Variants in TSHR observed in about 807,000 individuals in gnomAD.
TSHR encodes the protein thyroid stimulating hormone receptor.
A neutral mutation model predicts 64.1 loss-of-function variants in TSHR; 51 were observed. That is an observed-to-expected ratio of 0.80 (90% CI 0.64 to 1.01). The LOEUF is 1.01. TSHR is among the 50% of genes least tolerant of loss of function. TSHR has a pLI of 0.00. For missense variants in TSHR, 877 were observed against 942.8 expected (o/e 0.93, Z 0.91); for synonymous variants, 361 against 361.9 (o/e 1.00, Z 0.03).
intron 8 of TSHR, among the ~76,000 whole-genome samples, chr14:81,126,830 G>A (rs941977007): frequency 3.3e-5 from 5 of 152,250 alleles, no homozygotes; most frequent in Admixed American, 6.5e-5. Context: ...GTGAGTGCCC[G>A]CTAGGCTCTG....
chr14:81,113,530 G>C (rs542198146), intron 8 of TSHR, among the ~76,000 whole-genome samples: 138 of 152,154 alleles, frequency 9.1e-4, no homozygotes, highest in Non-Finnish European at 1.6e-3. Context: ...AAAATGAATA[G>C]AATTGAGACT....
chr14:81,095,373 C>G (rs1215040214), intron 6 of TSHR: 1 of 152,284 alleles, frequency 6.6e-6, no homozygotes, highest in Admixed American at 6.5e-5. Flanking sequence ...GAGTTTGAGA[C>G]CAGCCTGGCC....
chr14:81,010,126 T>C (rs1310308156), intron 1 of TSHR, among the ~76,000 whole-genome samples: 1 of 152,180 alleles, frequency 6.6e-6, no homozygotes, highest in African/African-American at 2.4e-5. Context: ...TTCATGCTTT[T>C]TCTTGTTTCA....
intron 1 of TSHR, chr14:80,992,607 C>G (rs1040627011): frequency 2.0e-5 from 3 of 152,052 alleles, no homozygotes; most frequent in African/African-American, 7.3e-5. Context: ...AAACCCAAAA[C>G]AAGGATTAGC....
At chr14:81,015,216 C>T (rs544849134) in intron 1 of TSHR, among the ~76,000 whole-genome samples, 1 of 152,202 alleles carries the variant, frequency 6.6e-6, no homozygotes, top group African/African-American at 2.4e-5. Context: ...TGAAGTTTTA[C>T]ACTGTATCTA....
In TSHR at chr14:80,960,812, C is replaced by T. The variant is rs1441787020; in HGVS notation, c.170+4962C>T. On this transcript the variant is annotated intron_variant, in intron 1 of 9. Coordinates refer to ENST00000298171, the MANE Select transcript of TSHR (RefSeq NM_000369.5). ...ACCAGGCTTTGAAAATAGGCCAAGG[C>T]CTACTGTGGGCAAGGAACTGGAGCC... 2.6e-5 allele frequency among the ~76,000 whole-genome samples: 4 copies of T among 152,178 alleles called. No homozygotes were observed. The East Asian group carries it at 7.7e-4, about 29-fold the overall frequency.
rs1209356764 is a variant in TSHR, at chr14:81,131,180, C to T, written c.693-8499C>T. On this transcript the variant is annotated intron_variant, in intron 8 of 9. Transcript: ENST00000298171. ...ATTCTCCCAGCTGCAGACTAGAAAT[C>T]TTGGAGTCATTCTCAACCCTTCTCT... Among the ~76,000 whole-genome samples, 3 of 152,248 alleles carry T rather than the reference C, an allele frequency of 2.0e-5. No homozygotes were observed. In the East Asian group the frequency reaches 5.8e-4, roughly 29 times the overall value.
intron 2 of TSHR, among the ~76,000 whole-genome samples, chr14:81,067,912 T>C (rs1184790478): frequency 7.4e-6 from 1 of 134,472 alleles, no homozygotes; most frequent in African/African-American, 2.9e-5. Context: ...TAGTGGAACA[T>C]TCCACAGGGT....
Position 81,100,685 on chromosome 14 carries a change from C to T in TSHR, c.614+3978C>T, listed in dbSNP as rs1254540412. On this transcript the variant is annotated intron_variant, in intron 7 of 9. Coordinates refer to ENST00000298171, the MANE Select transcript of TSHR (RefSeq NM_000369.5). The stretch of plus-strand genomic sequence containing the variant: ...TCAGTTAATTTGCTAAAGCAGCTCA[C>T]AGAACTCAGGGAGACACTTTAAAGG... 3.3e-5 allele frequency among the ~76,000 whole-genome samples: 5 copies of T among 152,310 alleles called. No individual in the cohort carries two copies. The South Asian group carries it at 1.0e-3, about 32-fold the overall frequency.
At position 81,145,153 on chromosome 14, in the gene TSHR, T is replaced by C. The variant is rs1181822801; in HGVS notation, c.*800T>C. On this transcript the variant is annotated 3_prime_UTR_variant, in exon 10 of 10. Transcript: ENST00000298171. ...AGTGGGAATTATGGGCAGAGCACAC[T>C]CAATCCCCTGTTGATTAATAAAACA... 1.3e-5 allele frequency: 3 copies of C among 233,018 alleles called. No individual in the cohort carries two copies. The highest frequency in any genetic ancestry group is 6.6e-5 in the African/African-American group (3 of 45,348). 14.4% of individuals were successfully genotyped at this position (233,018 alleles called of 1,614,324 possible). A position where few individuals can be genotyped will look rare whatever the true frequency, so the allele number is the denominator to read the frequency against.
At chr14:81,029,073 T>C (rs192201726) in intron 1 of TSHR, among the ~76,000 whole-genome samples, 24 of 152,004 alleles carry the variant, frequency 1.6e-4, no homozygotes, top group East Asian at 3.9e-4. Context: ...AAAAACAATT[T>C]ACCAAAACTG....
At position 81,037,770 on chromosome 14, in the gene TSHR, C is replaced by A. The variant is rs149374915; in HGVS notation, c.171-24378C>A. ...AATCTATACTAAAGGGGTCAATTAG[C>A]AACCAATTAAAACAATTCTAAATAG... On this transcript the variant is annotated intron_variant, in intron 1 of 9. Transcript: ENST00000298171. Among the ~76,000 whole-genome samples, 261 of 152,084 alleles carry A rather than the reference C, an allele frequency of 1.7e-3. 1 individual carries two copies. The highest frequency in any genetic ancestry group is 0.01 in the Middle Eastern group (3 of 294).
intron 1 of TSHR, among the ~76,000 whole-genome samples, chr14:80,969,351 G>A (rs1887481347): frequency 6.6e-6 from 1 of 152,192 alleles, no homozygotes; most frequent in South Asian, 2.1e-4. Flanking sequence ...TTTCATACTG[G>A]TAGATCAGGT....
intron 1 of TSHR, among the ~76,000 whole-genome samples, chr14:80,963,960 G>C (rs192813660): frequency 1.3e-5 from 2 of 152,170 alleles, no homozygotes; most frequent in Non-Finnish European, 2.9e-5. Flanking sequence ...CAATTTGGGG[G>C]ATAAATTGCT....
chr14:81,035,891 T>G (rs1360274347), intron 1 of TSHR, among the ~76,000 whole-genome samples: 5 of 151,552 alleles, frequency 3.3e-5, no homozygotes, highest in Non-Finnish European at 5.9e-5. Flanking sequence ...TAAATAAAAA[T>G]AAAAAGAACC....
chr14:81,064,028 G>A (rs1886426472), intron 2 of TSHR, among the ~76,000 whole-genome samples: 1 of 152,102 alleles, frequency 6.6e-6, no homozygotes, highest in African/African-American at 2.4e-5. Context: ...TTAGTACAGG[G>A]TCTTGTAAAT....
At chr14:81,063,440 C>T (rs1886381613) in intron 2 of TSHR, among the ~76,000 whole-genome samples, 1 of 152,174 alleles carries the variant, frequency 6.6e-6, no homozygotes, top group Non-Finnish European at 1.5e-5. Context: ...GGATGTCCCA[C>T]AGGCTCTTCA....
At chr14:81,055,985 T>C (rs1409201958) in intron 1 of TSHR, among the ~76,000 whole-genome samples, 1 of 152,020 alleles carries the variant, frequency 6.6e-6, no homozygotes, top group African/African-American at 2.4e-5. Flanking sequence ...AATGATATGG[T>C]TTGGCTGTGT....
intron 8 of TSHR, among the ~76,000 whole-genome samples, chr14:81,124,118 G>T (rs1645716038): frequency 6.6e-6 from 1 of 152,026 alleles, no homozygotes; most frequent in Admixed American, 6.5e-5. Context: ...TTCATTACAG[G>T]TATCAGCATA....
Sources: gnomAD v4.1 joint callset for allele counts (sites outside exome capture counted in the v4.1 genomes callset) on GRCh38, gnomAD v4.1.1 for gene constraint, MANE v1.5 for transcripts, NCBI Gene and HGNC (gene_info 2026-07-23, HGNC 2026-07-21) for gene names.